Variants in ELK1 observed in about 807,000 individuals in gnomAD.
ELK1 encodes the protein ETS domain-containing protein Elk-1.
For missense variants in ELK1, 254 were observed against 381.5 expected (o/e 0.67, Z 2.78); for synonymous variants, 163 against 176.3 (o/e 0.92, Z 0.60).
In ELK1 at chrX:47,641,459, C is replaced by T. The variant is rs771981542; in HGVS notation, c.-18G>A. 4 of 1,197,594 alleles carry T rather than the reference C, an allele frequency of 3.3e-6. No individual in the cohort carries two copies. The highest frequency in any genetic ancestry group is 3.0e-5 in the East Asian group (1 of 33,184). On this transcript the variant is annotated 5_prime_UTR_variant, in exon 3 of 7. In the 5' UTR this introduces an upstream ATG that the reference lacks. Coordinates refer to ENST00000376983, the MANE Select transcript of ELK1 (RefSeq NM_001114123.3). ...GGGTCCATCGCTGGGGGAGTGCTCA[C>T]GCCATCCCAGGGGTACCTGGAGAGC...
Position 47,642,832 on chromosome X carries a change from CAA to C in ELK1, c.-34-1359_-34-1358del, listed in dbSNP as rs1193840231. Among the ~76,000 whole-genome samples the C allele has an allele frequency of 1.5e-4, 17 of 111,812 alleles. No individual in the cohort carries two copies. In the Admixed American group the frequency reaches 1.6e-3, roughly 11 times the overall value. ...CAGACTGGTCTTGAACTCCTGACCT[CAA>C]GTGATCCACCCACCTCCCACCTTGG... On this transcript the variant is annotated intron_variant, in intron 2 of 6. Transcript: ENST00000376983.
chrX:47,641,196 A>G (rs1603091550), intron 3 of ELK1, 36 bp downstream of exon 3: 1 of 1,177,596 alleles, frequency 8.5e-7, no homozygotes, highest in East Asian at 3.0e-5. Flanking sequence ...TATAAATGTC[A>G]GGGGGGGGTT....
chrX:47,639,374 G>T, intron 3 of ELK1, 36 bp from the exon 4 acceptor site: 2 of 1,101,033 alleles, frequency 1.8e-6, no homozygotes, highest in Non-Finnish European at 2.5e-6. Flanking sequence ...GGCCTTAGAG[G>T]AAAGGGGCAG....
At position 47,637,845 on chromosome X, in the gene ELK1, G is replaced by A. The variant is rs1327259369; in HGVS notation, c.992C>T (p.Pro331Leu). 5 of 1,198,714 alleles carry A rather than the reference G, an allele frequency of 4.2e-6. No homozygotes were observed. Among genetic ancestry groups the A allele is most frequent in the East Asian group, 3.0e-5 (1 of 33,219 alleles). ...LPLSPSLLGG[P>L]GPERTPGSGS... Reference sequence around the variant, plus strand: ...CGATCCTGGGGTCCGTTCGGGTCCCGGCCCACCTAGCAGGCTCGGGCTGAG... The same window carrying A: ...CGATCCTGGGGTCCGTTCGGGTCCCAGCCCACCTAGCAGGCTCGGGCTGAG... The change falls in exon 5 of 7, where the codon CCG (proline) becomes CTG (leucine). Residue 331 changes from proline (P) to leucine (L), a missense_variant. By Grantham distance (98) the Pro-to-Leu change is moderately conservative. Transcript: ENST00000376983.
At chrX:47,647,193 G>A (rs189314510) in intron 2 of ELK1, among the ~76,000 whole-genome samples, 284 of 87,415 alleles carry the variant, frequency 3.2e-3, no homozygotes, top group Non-Finnish European at 5.1e-3. Flanking sequence ...ACAGAGTCTC[G>A]CTCTGTCACC....
At chrX:47,645,504 A>T (rs2058040798) in intron 2 of ELK1, among the ~76,000 whole-genome samples, 1 of 112,154 alleles carries the variant, frequency 8.9e-6, no homozygotes, top group African/African-American at 3.2e-5. Flanking sequence ...ATGAAGAGAA[A>T]CAGAGAAGGG....
chrX:47,638,607 G>T (rs931725694), intron 4 of ELK1, among the ~76,000 whole-genome samples: 2 of 112,108 alleles, frequency 1.8e-5, no homozygotes, highest in Non-Finnish European at 3.8e-5. Flanking sequence ...AAGACCTACA[G>T]GTGATTCTGA....
At chrX:47,638,208 GGT>G in intron 4 of ELK1, 26 bp from the exon 5 acceptor site, 1 of 1,196,854 alleles carries the variant, frequency 8.4e-7, no homozygotes, top group East Asian at 3.0e-5. Flanking sequence ...GCACAAAGAG[GGT>G]GTGTAAGGAT....
In ELK1 at chrX:47,646,113, C is replaced by CT. The variant is rs1332991454; in HGVS notation, c.-35+3807dup. On this transcript the variant is annotated intron_variant, in intron 2 of 6. Coordinates refer to ENST00000376983, the MANE Select transcript of ELK1 (RefSeq NM_001114123.3). ...TTCTGTAAAAGACTTGAGGGGTTGACTTTTTTTTTTGTTTTTACAAGTAGC... is the reference window on the plus strand; with the variant it reads ...TTCTGTAAAAGACTTGAGGGGTTGACTTTTTTTTTTTGTTTTTACAAGTAGC... 2.6e-4 allele frequency among the ~76,000 whole-genome samples: 28 copies of CT among 106,980 alleles called. No homozygotes were observed. The South Asian group carries it at 3.5e-3, about 14-fold the overall frequency. The allele number at this position is 106,980 out of a possible 115,157, so 92.9% of individuals were successfully genotyped here.
rs1187637006 is a variant in ELK1 at position 47,638,807 on chromosome X, T to G, written c.654+88A>C. The G allele has an allele frequency of 2.9e-6, 3 of 1,049,326 alleles. No homozygotes were observed. In the East Asian group the frequency reaches 9.9e-5, roughly 35 times the overall value. 86.5% of individuals were successfully genotyped at this position (1,049,326 alleles called of 1,213,427 possible). On this transcript the variant is annotated intron_variant, in intron 4 of 6. Transcript: ENST00000376983. ...TCCTTTAACGGGACAGCTATGTCTC[T>G]TCTACCAGCCTCCCTCGTCATCCGG...
At chrX:47,638,682 AC>A (rs761109262) in intron 4 of ELK1, among the ~76,000 whole-genome samples, 38 of 112,017 alleles carry the variant, frequency 3.4e-4, no homozygotes, top group African/African-American at 1.1e-3. Flanking sequence ...TTCGGCAGCT[AC>A]TAACTGTAGC....
chrX:47,646,426 A>G (rs2058043677), intron 2 of ELK1, among the ~76,000 whole-genome samples: 1 of 111,348 alleles, frequency 9.0e-6, no homozygotes, highest in African/African-American at 3.3e-5. Context: ...GTGCCCAGCT[A>G]TACACCACAG....
At chrX:47,646,980 GCT>G (rs1442908949) in intron 2 of ELK1, among the ~76,000 whole-genome samples, 2 of 111,350 alleles carry the variant, frequency 1.8e-5, no homozygotes, top group Admixed American at 1.9e-4. Context: ...AGACATTAAG[GCT>G]CTCTCCGTCT....
rs763316945 is a variant in ELK1, at chrX:47,637,867, T to A, written c.970A>T (p.Ser324Cys). 1.7e-4 allele frequency: 199 copies of A among 1,202,162 alleles called. No individual in the cohort carries two copies. Among genetic ancestry groups the A allele is most frequent in the Non-Finnish European group, 2.2e-4 (197 of 891,517 alleles). The change falls in exon 5 of 7, where the codon AGC becomes TGC. Residue 324 changes from serine to cysteine, a missense_variant. Coordinates refer to ENST00000376983, the MANE Select transcript of ELK1 (RefSeq NM_001114123.3). ...CCCGGCCCACCTAGCAGGCTCGGGC[T>A]GAGTGGAAGCTCTAGGTCCCGGGGC... The part of the protein sequence containing the change: ...RKPRDLELPL[S>C]PSLLGGPGPE...
In ELK1 at chrX:47,636,784, T is replaced by C; in HGVS notation, c.*45A>G. ...TTGAGATGGCTGGCTGGAGAGAGCATGGATGGAGTGACCCCAGAAGGGGTG... is the reference window on the plus strand; with the variant it reads ...TTGAGATGGCTGGCTGGAGAGAGCACGGATGGAGTGACCCCAGAAGGGGTG... On this transcript the variant is annotated 3_prime_UTR_variant, in exon 7 of 7. Transcript: ENST00000376983. 1 of 1,058,645 alleles carries C rather than the reference T, an allele frequency of 9.4e-7. No homozygotes were observed. The highest frequency in any genetic ancestry group is 1.3e-6 in the Non-Finnish European group (1 of 795,076). The allele number at this position is 1,058,645 out of a possible 1,213,427, so 87.2% of individuals were successfully genotyped here. A position where few individuals can be genotyped will look rare whatever the true frequency, so the allele number is the denominator to read the frequency against.
At position 47,643,606 on chromosome X, in the gene ELK1, G is replaced by A. The variant is rs770476870; in HGVS notation, c.-34-2131C>T. Among the ~76,000 whole-genome samples the A allele has an allele frequency of 2.8e-4, 31 of 111,670 alleles. No homozygotes were observed. In the South Asian group the frequency reaches 9.7e-3, roughly 35 times the overall value. Reference sequence around the variant, plus strand: ...TTACTAAGGGGTGTTATGTAACATCGTATATGCATCATGTTACCTTTCTGA... The same window carrying A: ...TTACTAAGGGGTGTTATGTAACATCATATATGCATCATGTTACCTTTCTGA... On this transcript the variant is annotated intron_variant, in intron 2 of 6. Transcript: ENST00000376983.
intron 2 of ELK1, among the ~76,000 whole-genome samples, chrX:47,647,514 T>C: frequency 9.0e-6 from 1 of 111,623 alleles, no homozygotes; most frequent in East Asian, 2.8e-4. Flanking sequence ...TTCGCCCTGT[T>C]TCGTTCCTTG....
intron 2 of ELK1, among the ~76,000 whole-genome samples, chrX:47,644,970 A>G (rs1294403464): frequency 9.0e-6 from 1 of 111,395 alleles, no homozygotes; most frequent in Non-Finnish European, 1.9e-5. Flanking sequence ...TGATGGTGGT[A>G]GCAGTGGGGC....
intron 4 of ELK1, 149 bp from the exon 5 acceptor site, chrX:47,638,331 AG>A (rs1471451122): frequency 1.5e-5 from 11 of 743,665 alleles, no homozygotes; most frequent in Middle Eastern, 4.6e-4. Context: ...AACAGGACAT[AG>A]GACTTCGTCA....
Sources: gnomAD v4.1 joint callset for allele counts (sites outside exome capture counted in the v4.1 genomes callset) on GRCh38, gnomAD v4.1.1 for gene constraint, MANE v1.5 for transcripts, NCBI Gene and HGNC (gene_info 2026-07-23, HGNC 2026-07-21) for gene names.